CARMIL1: variants seen among roughly 807,000 people sequenced by gnomAD.
CARMIL1 encodes F-actin-uncapping protein LRRC16A.
Under a neutral mutation model 177.1 loss-of-function variants are expected in CARMIL1, and 90 were observed. The observed-to-expected ratio is 0.51, with a 90% CI of 0.43 to 0.61. The LOEUF (loss-of-function observed/expected upper bound fraction) is 0.61, where lower values mean the gene tolerates loss of function less well. CARMIL1 is among the 20% of genes least tolerant of loss of function. The pLI, the probability that CARMIL1 is intolerant of heterozygous loss-of-function variation, is 0.00. For synonymous variants in CARMIL1, 577 were observed against 606.2 expected (o/e 0.95, Z 0.71); for missense variants, 1,380 against 1,667.0 (o/e 0.83, Z 3.00).
chr6:25,530,236 A>G (rs1234566286), intron 24 of CARMIL1, among the ~76,000 whole-genome samples: 1 of 152,136 alleles, frequency 6.6e-6, no homozygotes, highest in Non-Finnish European at 1.5e-5. Flanking sequence ...AAAGAGTTCC[A>G]GGCCAGACAC....
In CARMIL1 at chr6:25,581,315, T is replaced by G; in HGVS notation, c.2882T>G (p.Leu961Arg). ...ATCGAAGACCCGCCCTTCCCATCCC[T>G]CAGACAGGAGAAGCGGAGCTCGGGA... ...IHIEDPPFPS[L>R]RQEKRSSGFI... The change falls in exon 31 of 37, where the codon CTC (leucine) becomes CGC (arginine). Residue 961 changes from leucine (L) to arginine (R), a missense_variant. Coordinates refer to ENST00000329474, the MANE Select transcript of CARMIL1 (RefSeq NM_017640.6). 16 of 1,609,876 alleles carry G rather than the reference T, an allele frequency of 9.9e-6. No individual in the cohort carries two copies. Among genetic ancestry groups the G allele is most frequent in the Non-Finnish European group, 1.4e-5 (16 of 1,177,320 alleles).
chr6:25,382,257 C>T lies in CARMIL1; in HGVS notation c.139-37857C>T, dbSNP rs77797699. Among the ~76,000 whole-genome samples, 1,952 of 152,138 alleles carry T rather than the reference C, an allele frequency of 0.013. 68 individuals are homozygous for T. The East Asian group carries it at 0.14, about 11-fold the overall frequency. On this transcript the variant is annotated intron_variant, in intron 2 of 36. Coordinates refer to ENST00000329474, the MANE Select transcript of CARMIL1 (RefSeq NM_017640.6). ...GGATTACAGGTGTACGTCACCACGT[C>T]TGGCTAATTTTTGTATTTTTAGTAG...
Position 25,435,345 on chromosome 6 carries a change from C to A in CARMIL1, c.250-138C>A, listed in dbSNP as rs1029167845. On this transcript the variant is annotated intron_variant, in intron 4 of 36. Coordinates refer to ENST00000329474, the MANE Select transcript of CARMIL1 (RefSeq NM_017640.6). ...GCACGTATGTGAGATGTGCTACCCTCGAACCTTGTTAAAGAAAAAAAAAGC... is the reference window on the plus strand; with the variant it reads ...GCACGTATGTGAGATGTGCTACCCTAGAACCTTGTTAAAGAAAAAAAAAGC... The A allele has an allele frequency of 1.8e-5, 17 of 953,828 alleles. No homozygotes were observed. In the Admixed American group the frequency reaches 5.9e-4, roughly 33 times the overall value. The allele number at this position is 953,828 out of a possible 1,614,324, so 59.1% of individuals were successfully genotyped here.
intron 2 of CARMIL1, among the ~76,000 whole-genome samples, chr6:25,363,744 A>G (rs6933419): frequency 0.48 from 73,580 of 151,960 alleles, 18,382 homozygotes; most frequent in Non-Finnish European, 0.55. Flanking sequence ...AATCATGTAT[A>G]GTTTTATATA....
At chr6:25,568,859 A>G (rs776404674) in intron 29 of CARMIL1, among the ~76,000 whole-genome samples, 9 of 152,190 alleles carry the variant, frequency 5.9e-5, no homozygotes, top group Non-Finnish European at 1.2e-4. Flanking sequence ...TCACTGGAAG[A>G]TTCATATGGG....
At chr6:25,360,989 C>T (rs780556946) in intron 2 of CARMIL1, among the ~76,000 whole-genome samples, 49 of 152,090 alleles carry the variant, frequency 3.2e-4, no homozygotes, top group Non-Finnish European at 2.4e-4. Context: ...TGGAAATGTT[C>T]CTAAAAATGC....
At chr6:25,538,679 A>C (rs1030427569) in intron 25 of CARMIL1, among the ~76,000 whole-genome samples, 4 of 152,128 alleles carry the variant, frequency 2.6e-5, no homozygotes, top group Non-Finnish European at 5.9e-5. Flanking sequence ...AGAGATGATA[A>C]TAGCATCTTT....
chr6:25,500,742 C>A (rs1804227618), intron 17 of CARMIL1, among the ~76,000 whole-genome samples: 1 of 151,844 alleles, frequency 6.6e-6, no homozygotes, highest in Admixed American at 6.6e-5. Flanking sequence ...AGAACTGAGA[C>A]TAAAGTGTCT....
rs1407321672 is a variant in CARMIL1, at chr6:25,551,105, A to G, written c.2504+20A>G. ...AATTAGGTAGGTTTATAATGTTAATAAACCTAGGAGCTGCAGTTTCTGTAA... is the reference window on the plus strand; with the variant it reads ...AATTAGGTAGGTTTATAATGTTAATGAACCTAGGAGCTGCAGTTTCTGTAA... On this transcript the variant is annotated intron_variant, in intron 27 of 36. Transcript: ENST00000329474. 2 of 1,598,994 alleles carry G rather than the reference A, an allele frequency of 1.3e-6. No individual in the cohort carries two copies. The highest frequency in any genetic ancestry group is 2.2e-5 in the South Asian group (2 of 89,310).
intron 31 of CARMIL1, among the ~76,000 whole-genome samples, chr6:25,585,701 C>T (rs556530740): frequency 4.6e-5 from 7 of 152,098 alleles, no homozygotes; most frequent in African/African-American, 9.7e-5. Context: ...TGCGGCCTTC[C>T]GCAGTGTTTG....
chr6:25,575,516 T>A (rs1812500595), intron 29 of CARMIL1, among the ~76,000 whole-genome samples: 1 of 152,234 alleles, frequency 6.6e-6, no homozygotes, highest in Non-Finnish European at 1.5e-5. Flanking sequence ...GTAACTCTTT[T>A]ATGTATGTAT....
At chr6:25,361,639 A>G (rs1789204980) in intron 2 of CARMIL1, among the ~76,000 whole-genome samples, 1 of 152,164 alleles carries the variant, frequency 6.6e-6, no homozygotes, top group African/African-American at 2.4e-5. Context: ...GAGCTTTGCT[A>G]TGGTTTGAAA....
At chr6:25,286,966 C>G (rs1176891688) in intron 2 of CARMIL1, among the ~76,000 whole-genome samples, 1 of 152,170 alleles carries the variant, frequency 6.6e-6, no homozygotes, top group Non-Finnish European at 1.5e-5. Flanking sequence ...TTTATCTCCC[C>G]AAATATGGAA....
chr6:25,523,499 T>C (rs1806780943), intron 23 of CARMIL1, among the ~76,000 whole-genome samples: 1 of 152,172 alleles, frequency 6.6e-6, no homozygotes, highest in East Asian at 1.9e-4. Flanking sequence ...TGAAACAGTA[T>C]ATGTGAAAAG....
At chr6:25,368,772 C>A (rs1236441593) in intron 2 of CARMIL1, among the ~76,000 whole-genome samples, 2 of 152,146 alleles carry the variant, frequency 1.3e-5, no homozygotes, top group African/African-American at 4.8e-5. Context: ...TGTCTACACT[C>A]TTGCTTTATA....
rs998753244 is a variant in CARMIL1, at chr6:25,346,963, A to G, written c.138+62054A>G. Among the ~76,000 whole-genome samples, 3 of 152,212 alleles carry G rather than the reference A, an allele frequency of 2.0e-5. No homozygotes were observed. The South Asian group carries it at 6.2e-4, about 31-fold the overall frequency. On this transcript the variant is annotated intron_variant, in intron 2 of 36. Transcript: ENST00000329474. ...TCATGGTACAGTTCTCTCTACATGC[A>G]TTTAGAAATATGTCAGCTTATTTAT...
intron 33 of CARMIL1, 57 bp downstream of exon 33, chr6:25,600,803 C>G (rs951241603): frequency 1.5e-6 from 2 of 1,340,464 alleles, no homozygotes; most frequent in Admixed American, 3.2e-5. Flanking sequence ...TAGATGCACA[C>G]ATTTTCATGG....
chr6:25,515,560 TA>T lies in CARMIL1; in HGVS notation c.1633-111del. 3.1e-6 allele frequency: 3 copies of T among 976,636 alleles called. No homozygotes were observed. Among genetic ancestry groups the T allele is most frequent in the Non-Finnish European group, 4.4e-6 (3 of 687,272 alleles). The allele number at this position is 976,636 out of a possible 1,614,324, so 60.5% of individuals were successfully genotyped here. On this transcript the variant is annotated intron_variant, in intron 20 of 36. Transcript: ENST00000329474. The surrounding 1 kb of genome is among the most constrained non-coding windows in gnomAD (Gnocchi z 5.0). ...ACGAGTGTCTTTTAGGTAGTAGTTC[TA>T]AAATCAGACACGTGCAGTAGGTCCA...
At chr6:25,378,293 A>G (rs113238540) in intron 2 of CARMIL1, among the ~76,000 whole-genome samples, 1 of 152,218 alleles carries the variant, frequency 6.6e-6, no homozygotes, top group Non-Finnish European at 1.5e-5. Context: ...TCAGAACTCA[A>G]AACTGCCCCA....
Sources: gnomAD v4.1 joint callset for allele counts (sites outside exome capture counted in the v4.1 genomes callset) on GRCh38, gnomAD v4.1.1 for gene constraint, Gnocchi (gnomAD v3.1) non-coding constraint, MANE v1.5 for transcripts, NCBI Gene and HGNC (gene_info 2026-07-23, HGNC 2026-07-21) for gene names.